Variants in KCNIP4 observed in about 807,000 individuals in gnomAD.
The protein encoded by KCNIP4 is potassium voltage-gated channel interacting protein 4.
Under a neutral mutation model 34.0 loss-of-function variants are expected in KCNIP4, and 12 were observed. The observed-to-expected ratio is 0.35, with a 90% CI of 0.23 to 0.57. The LOEUF is 0.57. KCNIP4 is among the 20% of genes least tolerant of loss of function. KCNIP4 has a pLI of 0.83. For missense variants in KCNIP4, 238 were observed against 311.7 expected, an observed-to-expected ratio of 0.76 and a Z score of 1.78; for synonymous variants, 124 against 102.2, an observed-to-expected ratio of 1.21 and a Z score of -1.29.
intron 1 of KCNIP4, among the ~76,000 whole-genome samples, chr4:21,014,366 G>A (rs1228060255): frequency 1.3e-5 from 2 of 152,112 alleles, no homozygotes; most frequent in African/African-American, 4.8e-5. Context: ...ATTCATGGAT[G>A]AGTCTCATCT....
chr4:20,905,514 T>TC (rs1215913863), intron 1 of KCNIP4, among the ~76,000 whole-genome samples: 3 of 97,818 alleles, frequency 3.1e-5, no homozygotes, highest in Admixed American at 2.3e-4. Context: ...TCTTTCTTTT[T>TC]TTTTTTTTTT....
intron 1 of KCNIP4, among the ~76,000 whole-genome samples, chr4:20,910,076 A>G (rs187945271): frequency 2.0e-4 from 30 of 152,314 alleles, no homozygotes; most frequent in African/African-American, 5.8e-4. Flanking sequence ...CTTAATAGAT[A>G]CATTTTTCTT....
rs1278288046 is a variant in KCNIP4 at position 21,556,210 on chromosome 4, G to A, written c.61+392361C>T. On this transcript the variant is annotated intron_variant, in intron 1 of 8. Coordinates refer to ENST00000382152, the MANE Select transcript of KCNIP4 (RefSeq NM_025221.6). ...GCTTTCGAGTTGGAAGAGCAATTTA[G>A]GGATAATTATAACAATCATGATAAT... Among the ~76,000 whole-genome samples, 6 of 152,066 alleles carry A rather than the reference G, an allele frequency of 3.9e-5. No homozygotes were observed. The East Asian group carries it at 1.2e-3, about 29-fold the overall frequency.
At chr4:21,348,068 G>C (rs1717631952) in intron 1 of KCNIP4, among the ~76,000 whole-genome samples, 1 of 152,132 alleles carries the variant, frequency 6.6e-6, no homozygotes, top group African/African-American at 2.4e-5. Context: ...ACACATAAAG[G>C]CCAGCTGTGT....
chr4:20,758,729 A>C, intron 4 of KCNIP4, 92 bp downstream of exon 4: 1 of 934,272 alleles, frequency 1.1e-6, no homozygotes. Flanking sequence ...AACGATTAAA[A>C]ATGTAGCATC....
intron 1 of KCNIP4, among the ~76,000 whole-genome samples, chr4:21,417,411 T>TA (rs1231848109): frequency 6.6e-6 from 1 of 151,870 alleles, no homozygotes; most frequent in African/African-American, 2.4e-5. Flanking sequence ...AAATAAAAAA[T>TA]AAAAAAACAT....
intron 1 of KCNIP4, among the ~76,000 whole-genome samples, chr4:21,829,749 A>G (rs1323726675): frequency 6.6e-6 from 1 of 151,956 alleles, no homozygotes; most frequent in African/African-American, 2.4e-5. Context: ...AAGAAAGAAA[A>G]AGAGGAAGAA....
intron 2 of KCNIP4, among the ~76,000 whole-genome samples, chr4:20,859,891 C>T (rs17556698): frequency 0.45 from 67,828 of 151,964 alleles, 16,289 homozygotes; most frequent in African/African-American, 0.63. Context: ...AGAATAATGT[C>T]ACTTTTTGAG....
intron 1 of KCNIP4, among the ~76,000 whole-genome samples, chr4:21,270,622 T>C (rs906266067): frequency 6.6e-6 from 1 of 152,200 alleles, no homozygotes; most frequent in Non-Finnish European, 1.5e-5. Flanking sequence ...GGTTTCTCCA[T>C]TAATAAATAT....
chr4:21,059,145 A>G (rs1177239058), intron 1 of KCNIP4, among the ~76,000 whole-genome samples: 1 of 151,990 alleles, frequency 6.6e-6, no homozygotes, highest in East Asian at 1.9e-4. Context: ...TTTATAAATT[A>G]CCTAGTTTTG....
chr4:21,236,636 T>C (rs1759376795), intron 1 of KCNIP4, among the ~76,000 whole-genome samples: 1 of 152,114 alleles, frequency 6.6e-6, no homozygotes, highest in South Asian at 2.1e-4. Context: ...GTACTAAAAA[T>C]CAGAAATTGA....
chr4:21,040,485 A>G (rs2149778183), intron 1 of KCNIP4, among the ~76,000 whole-genome samples: 1 of 152,306 alleles, frequency 6.6e-6, no homozygotes, highest in Non-Finnish European at 1.5e-5. Context: ...AGAAAATTGG[A>G]TTTGGGTTTC....
intron 1 of KCNIP4, chr4:21,304,029 A>C: frequency 3.7e-6 from 1 of 268,928 alleles, no homozygotes; most frequent in Non-Finnish European, 5.9e-6. Flanking sequence ...AGGAGAGCGT[A>C]TGAGAGAGAG....
rs781135697 is a variant in KCNIP4 at position 21,696,397 on chromosome 4, CCTTA to C, written c.61+252170_61+252173del. Among the ~76,000 whole-genome samples, 17 of 152,236 alleles carry C rather than the reference CCTTA, an allele frequency of 1.1e-4. No homozygotes were observed. The East Asian group carries it at 1.5e-3, about 14-fold the overall frequency. On this transcript the variant is annotated intron_variant, in intron 1 of 8. Coordinates refer to ENST00000382152, the MANE Select transcript of KCNIP4 (RefSeq NM_025221.6). ...AAATGGCACATCATCCTTACATCAT[CCTTA>C]CTTACAGTGTGTGAGTTTCTTTACT...
chr4:20,839,757 C>T (rs1286023648), intron 3 of KCNIP4, among the ~76,000 whole-genome samples: 1 of 152,086 alleles, frequency 6.6e-6, no homozygotes, highest in Non-Finnish European at 1.5e-5. Context: ...ATTGTCTTTG[C>T]AAAGCATCTA....
chr4:21,523,721 G>C (rs1735734269), intron 1 of KCNIP4, among the ~76,000 whole-genome samples: 1 of 151,882 alleles, frequency 6.6e-6, no homozygotes. Flanking sequence ...ACAGGTGTGT[G>C]CCACCACACC....
intron 3 of KCNIP4, among the ~76,000 whole-genome samples, chr4:20,844,100 AT>A (rs2149475379): frequency 6.6e-6 from 1 of 152,316 alleles, no homozygotes; most frequent in East Asian, 1.9e-4. Context: ...AATATCCTAA[AT>A]TTTTAAAGGA....
At chr4:21,209,430 C>T (rs887954428) in intron 1 of KCNIP4, among the ~76,000 whole-genome samples, 1 of 152,120 alleles carries the variant, frequency 6.6e-6, no homozygotes, top group Non-Finnish European at 1.5e-5. Flanking sequence ...CCAGTCTTTA[C>T]AATCCTTTGT....
At chr4:20,974,053 A>G (rs1003250749) in intron 1 of KCNIP4, among the ~76,000 whole-genome samples, 5 of 152,224 alleles carry the variant, frequency 3.3e-5, no homozygotes, top group Admixed American at 6.5e-5. Context: ...TGTTGGAAAA[A>G]TGGCACCAAA....
Sources: gnomAD v4.1 joint callset for allele counts (sites outside exome capture counted in the v4.1 genomes callset) on GRCh38, gnomAD v4.1.1 for gene constraint, MANE v1.5 for transcripts, NCBI Gene and HGNC (gene_info 2026-07-23, HGNC 2026-07-21) for gene names.